Variants in C19orf47 observed in about 807,000 individuals in gnomAD.
C19orf47 encodes the protein chromosome 19 open reading frame 47, also known as uncharacterized protein C19orf47.
Under a neutral mutation model 32.3 loss-of-function variants are expected in C19orf47, and 18 were observed. That is an observed-to-expected ratio of 0.56 (90% confidence interval 0.39 to 0.83). The LOEUF (loss-of-function observed/expected upper bound fraction) is 0.83, where lower values mean the gene tolerates loss of function less well. Among genes scored for constraint, C19orf47 ranks in the 40% least tolerant of loss-of-function variants. The pLI, the probability that C19orf47 is intolerant of heterozygous loss-of-function variation, is 0.00. For synonymous variants in C19orf47, 202 were observed against 211.1 expected (o/e 0.96, Z 0.37); for missense variants, 484 against 531.6 (o/e 0.91, Z 0.88).
chr19:40,302,451 C>T, the C19orf47 span, among the ~76,000 whole-genome samples: 1 of 151,956 alleles, frequency 6.6e-6, no homozygotes. Flanking sequence ...TCGTGTGCCA[C>T]CACGTCTGAT....
intron 2 of C19orf47, among the ~76,000 whole-genome samples, chr19:40,338,308 CATAT>C (rs888883493): frequency 3.4e-5 from 5 of 148,322 alleles, no homozygotes; most frequent in African/African-American, 1.2e-4. Flanking sequence ...TATATATACA[CATAT>C]ATATACACAA....
intron 2 of C19orf47, among the ~76,000 whole-genome samples, chr19:40,336,835 ATGATAGGATCCTC>A (rs1280269389): frequency 4.6e-5 from 7 of 152,176 alleles, no homozygotes; most frequent in African/African-American, 1.7e-4. Context: ...GGCCCAGAGG[ATGATAGGATCCTC>A]AGGTGGCTGG....
chr19:40,333,309 A>ATAAATAAAT (rs2077994635), intron 5 of C19orf47, among the ~76,000 whole-genome samples: 1 of 151,638 alleles, frequency 6.6e-6, no homozygotes, highest in South Asian at 2.1e-4. Flanking sequence ...AAATAAATAA[A>ATAAATAAAT]ATGGCCCTCA....
rs767911171 is a variant in C19orf47, at chr19:40,321,893, T to C, written c.1147A>G (p.Arg383Gly). The change falls in exon 9 of 9, where the codon AGG (arginine) becomes GGG (glycine). Residue 383 changes from arginine to glycine, a missense_variant. Arg to Gly is a moderately radical substitution (Grantham distance 125, BLOSUM62 -2). Transcript: ENST00000683109. ...TVSVFKRLGR[R>G]TF ...CGCCCACAGGTGGGCTAGAAGGTCC[T>C]GCGGCCCAGTCTTTTGAACACGCTC... The C allele has an allele frequency of 1.9e-6, 3 of 1,597,444 alleles. No individual in the cohort carries two copies. The highest frequency in any genetic ancestry group is 1.9e-4 in the Middle Eastern group (1 of 5,316).
intron 4 of C19orf47, 24 bp from the exon 5 acceptor site, chr19:40,333,953 G>T: frequency 6.5e-7 from 1 of 1,535,752 alleles, no homozygotes; most frequent in South Asian, 1.2e-5. Flanking sequence ...ACAGGCACCT[G>T]GGTCACCACA....
At chr19:40,341,756 C>T (rs2078182102) in intron 2 of C19orf47, 83 bp downstream of exon 2, 1 of 1,523,962 alleles carries the variant, frequency 6.6e-7, no homozygotes, top group Non-Finnish European at 8.8e-7. Context: ...CCTCCCTCCC[C>T]CATCCCATCA....
chr19:40,317,592 C>T (rs1373020256), downstream of C19orf47, among the ~76,000 whole-genome samples: 3 of 152,068 alleles, frequency 2.0e-5, no homozygotes, highest in East Asian at 5.8e-4. Context: ...GCGGCATCGG[C>T]TCAGGTCACA....
chr19:40,322,043 C>T lies in C19orf47; in HGVS notation c.997G>A (p.Val333Ile), dbSNP rs577703533. The change falls in exon 9 of 9, where the codon GTC becomes ATC. Residue 333 changes from valine (V) to isoleucine (I), a missense_variant. Around this residue, in one of 3 missense-constraint regions of C19orf47, gnomAD observed 51 missense variants for 74.5 expected, o/e 0.68. Transcript: ENST00000683109. Reference protein sequence around the residue: ...ALVPEAQDSQVTSTKSKSSAE... With the variant: ...ALVPEAQDSQITSTKSKSSAE... ...GAGGACTTACTCTTGGTGCTGGTGA[C>T]CTGGCTGTCCTGGGCCTCGGGCACA... The T allele has an allele frequency of 6.2e-7, 1 of 1,614,180 alleles. No homozygotes were observed. The highest frequency in any genetic ancestry group is 1.7e-5 in the Admixed American group (1 of 60,028).
chr19:40,336,179 A>G lies in C19orf47; in HGVS notation c.153T>C (p.Asn51=). 1 of 1,614,218 alleles carries G rather than the reference A, an allele frequency of 6.2e-7. No individual in the cohort carries two copies. The highest frequency in any genetic ancestry group is 8.5e-7 in the Non-Finnish European group (1 of 1,180,024). The change falls in exon 4 of 9, where the codon AAT becomes AAC. Residue 51 remains asparagine, a synonymous_variant. Transcript: ENST00000683109. ...CACCCACCACGGTCACGCCCAGCTC[A>G]TTCATTATCTCCTTATTGAGATCCA... The part of the protein sequence containing the change: ...MLLDLNKEIM[N]ELGVTVVGDI...
intron 1 of C19orf47, among the ~76,000 whole-genome samples, chr19:40,345,848 CAAA>C (rs35848570): frequency 1.3e-5 from 1 of 75,240 alleles, no homozygotes; most frequent in Non-Finnish European, 2.4e-5. Flanking sequence ...GACTCAGTCT[CAAA>C]AAAAAAAAAA....
At chr19:40,294,258 A>G in the C19orf47 span, among the ~76,000 whole-genome samples, 1 of 152,218 alleles carries the variant, frequency 6.6e-6, no homozygotes, top group South Asian at 2.1e-4. Flanking sequence ...CTGGCCACAG[A>G]TAAGATTTCC....
chr19:40,299,276 TAATA>T, the C19orf47 span, among the ~76,000 whole-genome samples: 1 of 152,096 alleles, frequency 6.6e-6, no homozygotes, highest in Non-Finnish European at 1.5e-5. Flanking sequence ...AAATGAATAT[TAATA>T]AATATTAAAT....
At chr19:40,307,760 A>T in the C19orf47 span, among the ~76,000 whole-genome samples, 7 of 151,810 alleles carry the variant, frequency 4.6e-5, no homozygotes, top group Admixed American at 4.6e-4. Context: ...ATTCCATGGG[A>T]TAGGTGCTAT....
At chr19:40,306,095 G>A in the C19orf47 span, among the ~76,000 whole-genome samples, 1 of 141,514 alleles carries the variant, frequency 7.1e-6, no homozygotes, top group Non-Finnish European at 1.5e-5. Context: ...AGGTTGCAGT[G>A]AGCCAAGATC....
At position 40,326,354 on chromosome 19, in the gene C19orf47, T is replaced by C; in HGVS notation, c.572A>G (p.Glu191Gly). The C allele has an allele frequency of 6.2e-7, 1 of 1,614,172 alleles. No homozygotes were observed. The highest frequency in any genetic ancestry group is 8.5e-7 in the Non-Finnish European group (1 of 1,180,034). ...GTTPRTRKIL[E>G]QQQAAKGLHR... The stretch of plus-strand genomic sequence containing the variant: ...AGTACCTTTTGCAGCCTGCTGCTGC[T>C]CCAGGATCTTGCGGGTGCGGGGTGT... Residue 191 changes from glutamate (E) to glycine (G), a missense_variant, in exon 7 of 9, where the codon GAG (glutamate) becomes GGG (glycine). This residue lies in a region of C19orf47 where 376 missense variants were observed against 370.2 expected (regional missense o/e 1.02). Transcript: ENST00000683109.
chr19:40,323,936 A>G (rs2077773700), intron 8 of C19orf47, 70 bp downstream of exon 8: 5 of 1,577,820 alleles, frequency 3.2e-6, no homozygotes, highest in East Asian at 4.5e-5. Context: ...GATGTGTTAA[A>G]GAGTCAGGAG....
intron 8 of C19orf47, among the ~76,000 whole-genome samples, chr19:40,322,822 C>T (rs1474177964): frequency 4.6e-5 from 7 of 152,320 alleles, no homozygotes; most frequent in South Asian, 4.1e-4. Context: ...ACAGCCTCAG[C>T]GCTGCCCGCA....
intron 1 of C19orf47, chr19:40,342,374 C>T (rs1034685994): frequency 2.5e-5 from 4 of 157,586 alleles, no homozygotes; most frequent in African/African-American, 9.6e-5. Flanking sequence ...TGTTCATAGT[C>T]CTTTACAGAT....
chr19:40,315,219 T>C (rs984107828), downstream of C19orf47, among the ~76,000 whole-genome samples: 12 of 152,222 alleles, frequency 7.9e-5, no homozygotes, highest in Non-Finnish European at 1.6e-4. Context: ...TTAATACTAA[T>C]GGATCGATAT....
Sources: allele counts gnomAD v4.1 joint callset (sites outside exome capture counted in the v4.1 genomes callset), GRCh38; gene constraint gnomAD v4.1.1; regional missense constraint gnomAD v4.1.1; transcripts MANE v1.5; gene names NCBI Gene and HGNC (gene_info 2026-07-23, HGNC 2026-07-21).